Variants in DCAF8L2 observed in about 807,000 individuals in gnomAD.
DCAF8L2 encodes the protein DDB1 and CUL4 associated factor 8 like 2, also known as DDB1- and CUL4-associated factor 8-like protein 2.
For synonymous variants in DCAF8L2, 200 were observed against 190.9 expected, an observed-to-expected ratio of 1.05 and a Z score of -0.39; for missense variants, 430 against 490.7, an observed-to-expected ratio of 0.88 and a Z score of 1.17.
chrX:27,498,221 T>C, the DCAF8L2 span, among the ~76,000 whole-genome samples: 1 of 112,370 alleles, frequency 8.9e-6, no homozygotes, highest in Non-Finnish European at 1.9e-5. Context: ...CATGTAGTAG[T>C]TCTATTTTTA....
chrX:27,477,967 C>G, the DCAF8L2 span, among the ~76,000 whole-genome samples: 1 of 111,310 alleles, frequency 9.0e-6, no homozygotes, highest in African/African-American at 3.3e-5. Context: ...GGTCTGGTTG[C>G]CATGACCCCA....
chrX:27,531,408 AC>A, the DCAF8L2 span, among the ~76,000 whole-genome samples: 1 of 111,847 alleles, frequency 8.9e-6, no homozygotes, highest in African/African-American at 3.3e-5. Flanking sequence ...GGGGACTCTT[AC>A]AATTCAAGGT....
chrX:27,708,367 T>C (rs1931412183), intron 3 of DCAF8L2, among the ~76,000 whole-genome samples: 1 of 111,817 alleles, frequency 8.9e-6, no homozygotes, highest in South Asian at 3.8e-4. Context: ...ATGGTGTATA[T>C]ATACCACGTT....
At chrX:27,721,843 A>G (rs1373114032) in intron 4 of DCAF8L2, among the ~76,000 whole-genome samples, 1 of 111,701 alleles carries the variant, frequency 9.0e-6, no homozygotes, top group Non-Finnish European at 1.9e-5. Flanking sequence ...GAAATTTGAA[A>G]CAGATAATTT....
chrX:27,695,977 T>C (rs1334043916), intron 3 of DCAF8L2, among the ~76,000 whole-genome samples: 1 of 109,733 alleles, frequency 9.1e-6, no homozygotes, highest in Non-Finnish European at 1.9e-5. Context: ...GACAGATCAC[T>C]TGAAATCAGG....
At chrX:27,668,087 G>C (rs1349701706) in intron 2 of DCAF8L2, among the ~76,000 whole-genome samples, 1 of 112,067 alleles carries the variant, frequency 8.9e-6, no homozygotes, top group Non-Finnish European at 1.9e-5. Context: ...AGCAAGGAAA[G>C]TCCCTTTCCA....
chrX:27,586,373 A>G, upstream of DCAF8L2, among the ~76,000 whole-genome samples: 1 of 111,718 alleles, frequency 9.0e-6, no homozygotes, highest in East Asian at 2.8e-4. Flanking sequence ...CTGTCACCTA[A>G]AGGTAGTAAT....
chrX:27,553,425 G>T, the DCAF8L2 span, among the ~76,000 whole-genome samples: 12 of 111,047 alleles, frequency 1.1e-4, no homozygotes, highest in Non-Finnish European at 1.9e-4. Flanking sequence ...ATATATTTCT[G>T]GGCTCCGGTG....
intron 2 of DCAF8L2, among the ~76,000 whole-genome samples, chrX:27,668,592 CAGTT>C (rs1235591067): frequency 9.0e-6 from 1 of 111,609 alleles, no homozygotes; most frequent in Non-Finnish European, 1.9e-5. Flanking sequence ...GACCAGCTGT[CAGTT>C]AGTTAAGAAC....
intron 2 of DCAF8L2, among the ~76,000 whole-genome samples, chrX:27,666,160 G>T (rs950513657): frequency 7.2e-4 from 81 of 111,950 alleles, no homozygotes; most frequent in Middle Eastern, 4.6e-3. Flanking sequence ...TATTAAAATT[G>T]TGTATGTTTA....
intron 3 of DCAF8L2, among the ~76,000 whole-genome samples, chrX:27,702,310 C>A (rs1414022013): frequency 1.4e-5 from 1 of 70,799 alleles, no homozygotes; most frequent in Non-Finnish European, 2.6e-5. Flanking sequence ...CTCACAAATT[C>A]TTTGAAAAAA....
chrX:27,656,476 G>C (rs1414759141), intron 2 of DCAF8L2, among the ~76,000 whole-genome samples: 1 of 111,405 alleles, frequency 9.0e-6, no homozygotes, highest in Admixed American at 9.6e-5. Flanking sequence ...TACTGTATCT[G>C]TCAATTTTTG....
chrX:27,479,834 T>C, the DCAF8L2 span, among the ~76,000 whole-genome samples: 1 of 112,266 alleles, frequency 8.9e-6, no homozygotes, highest in African/African-American at 3.2e-5. Flanking sequence ...GCAGTGGGTC[T>C]CAGACCTTGT....
the DCAF8L2 span, among the ~76,000 whole-genome samples, chrX:27,489,440 G>A: frequency 5.4e-5 from 6 of 111,903 alleles, no homozygotes; most frequent in Middle Eastern, 4.7e-3. Flanking sequence ...GTGTAGAGCT[G>A]CTCAATTCCG....
At chrX:27,510,442 A>G in the DCAF8L2 span, among the ~76,000 whole-genome samples, 1 of 108,525 alleles carries the variant, frequency 9.2e-6, no homozygotes, top group African/African-American at 3.3e-5. Context: ...CCAGACTCAC[A>G]TATAGAATAA....
chrX:27,586,589 T>C (rs1925908406), upstream of DCAF8L2, among the ~76,000 whole-genome samples: 1 of 111,490 alleles, frequency 9.0e-6, no homozygotes, highest in South Asian at 3.8e-4. Context: ...TATCCTGCCG[T>C]GTCCTTTCAT....
intron 4 of DCAF8L2, among the ~76,000 whole-genome samples, chrX:27,718,571 G>C (rs1340881481): frequency 9.0e-6 from 1 of 111,267 alleles, no homozygotes; most frequent in African/African-American, 3.3e-5. Flanking sequence ...TCAATCGGTA[G>C]ACTGAGTAAA....
the DCAF8L2 span, among the ~76,000 whole-genome samples, chrX:27,561,139 T>C: frequency 8.9e-6 from 1 of 112,254 alleles, no homozygotes; most frequent in African/African-American, 3.2e-5. Context: ...CTCCTACAAT[T>C]TTAAGGGCAT....
intron 3 of DCAF8L2, among the ~76,000 whole-genome samples, chrX:27,681,533 A>T (rs1329712533): frequency 1.8e-5 from 2 of 111,798 alleles, no homozygotes; most frequent in Non-Finnish European, 3.8e-5. Flanking sequence ...TATACAGTAC[A>T]TCTATTTCAA....
Sources: allele counts gnomAD v4.1 joint callset (sites outside exome capture counted in the v4.1 genomes callset), GRCh38; gene constraint gnomAD v4.1.1; transcripts MANE v1.5; gene names NCBI Gene and HGNC (gene_info 2026-07-23, HGNC 2026-07-21).